KPNA5: variants seen among roughly 807,000 people sequenced by gnomAD.
The protein encoded by KPNA5 is karyopherin subunit alpha 5, also known as importin subunit alpha-6.
Under a neutral mutation model 71.3 loss-of-function variants are expected in KPNA5, and 46 were observed. The ratio of observed to expected loss-of-function variants is 0.65; its 90% confidence interval spans 0.51 to 0.83. KPNA5 has a LOEUF of 0.83. Ranked by LOEUF, KPNA5 falls within the 40% of genes least tolerant of loss-of-function variation. The pLI is 0.00. For synonymous variants in KPNA5, 207 were observed against 201.4 expected (o/e 1.03, Z -0.24); for missense variants, 547 against 628.3 (o/e 0.87, Z 1.38).
Position 116,689,470 on chromosome 6 carries a change from A to G in KPNA5, c.138+17A>G, listed in dbSNP as rs1309330788. 2.0e-6 allele frequency: 3 copies of G among 1,533,058 alleles called. No individual in the cohort carries two copies. The highest frequency in any genetic ancestry group is 2.3e-5 in the East Asian group (1 of 43,108). The allele number at this position is 1,533,058 out of a possible 1,614,324, so 95.0% of individuals were successfully genotyped here. The stretch of plus-strand genomic sequence containing the variant: ...GAAGAACAGGTAGGTGTTTTTAGCT[A>G]TTTAATTTTGTTTTTTAAAATTTTA... On this transcript the variant is annotated intron_variant, in intron 2 of 13. Coordinates refer to ENST00000368564, the MANE Select transcript of KPNA5 (RefSeq NM_001366306.2).
At chr6:116,712,666 T>C (rs1778744715) in intron 7 of KPNA5, among the ~76,000 whole-genome samples, 2 of 152,204 alleles carry the variant, frequency 1.3e-5, no homozygotes, top group African/African-American at 4.8e-5. Context: ...AGTCTCGTTA[T>C]GTTGCCTAGG....
intron 13 of KPNA5, 42 bp downstream of exon 13, chr6:116,729,783 A>AT: frequency 8.2e-7 from 1 of 1,218,328 alleles, no homozygotes; most frequent in Non-Finnish European, 1.1e-6. Flanking sequence ...GTCAGTTCTT[A>AT]TATCTGTCAT....
At chr6:116,682,970 A>G (rs983684062) in intron 1 of KPNA5, among the ~76,000 whole-genome samples, 1 of 152,212 alleles carries the variant, frequency 6.6e-6, no homozygotes, top group African/African-American at 2.4e-5. Context: ...AGTCAGTACT[A>G]TTGAAGAAAA....
At chr6:116,722,035 T>C (rs1779124970) in intron 8 of KPNA5, 91 bp from the exon 9 acceptor site, 1 of 944,926 alleles carries the variant, frequency 1.1e-6, no homozygotes, top group East Asian at 2.8e-5. Flanking sequence ...TAACATTAAA[T>C]TTTTGTTTTA....
chr6:116,711,178 G>A (rs1778662653), intron 7 of KPNA5, among the ~76,000 whole-genome samples: 2 of 151,094 alleles, frequency 1.3e-5, no homozygotes, highest in African/African-American at 4.8e-5. Flanking sequence ...ACAGGTGTGA[G>A]CCACCGCGCC....
At chr6:116,707,245 TTAA>T (rs1193462283) in intron 7 of KPNA5, among the ~76,000 whole-genome samples, 1 of 152,224 alleles carries the variant, frequency 6.6e-6, no homozygotes, top group African/African-American at 2.4e-5. Context: ...GTAAAACTTA[TTAA>T]TGTATCATTT....
chr6:116,723,771 A>C (rs1019776109), intron 9 of KPNA5, among the ~76,000 whole-genome samples: 3 of 152,184 alleles, frequency 2.0e-5, no homozygotes, highest in Non-Finnish European at 2.9e-5. Flanking sequence ...ATCTAGTGGT[A>C]AAGTAGGTTA....
intron 12 of KPNA5, among the ~76,000 whole-genome samples, chr6:116,727,847 A>G (rs1281684826): frequency 6.6e-6 from 1 of 152,068 alleles, no homozygotes; most frequent in Non-Finnish European, 1.5e-5. Context: ...ACCTCTACTA[A>G]AAGCTTCTAC....
At chr6:116,702,174 G>T in intron 6 of KPNA5, 24 bp downstream of exon 6, 1 of 1,598,604 alleles carries the variant, frequency 6.3e-7, no homozygotes, top group East Asian at 2.2e-5. Context: ...TTGTATTGTT[G>T]TATGTACTAG....
chr6:116,688,172 G>T lies in KPNA5; in HGVS notation c.5-1148G>T, dbSNP rs111582549. Among the ~76,000 whole-genome samples the T allele has an allele frequency of 1.9e-3, 283 of 152,078 alleles. 1 individual carries two copies. The highest frequency in any genetic ancestry group is 6.1e-3 in the African/African-American group (252 of 41,494). On this transcript the variant is annotated intron_variant, in intron 1 of 13. Coordinates refer to ENST00000368564, the MANE Select transcript of KPNA5 (RefSeq NM_001366306.2). ...CATGAAGCTTTCAGAAGTCCCTAAG[G>T]CACAATTAGTTGCCATATCTTCACT...
intron 3 of KPNA5, 48 bp from the exon 4 acceptor site, chr6:116,692,245 C>A: frequency 7.0e-7 from 1 of 1,422,902 alleles, no homozygotes; most frequent in South Asian, 1.2e-5. Context: ...CAAAATTATT[C>A]ATGTAAAATA....
chr6:116,721,588 A>G (rs1222355579), intron 8 of KPNA5, among the ~76,000 whole-genome samples: 3 of 152,228 alleles, frequency 2.0e-5, no homozygotes, highest in Admixed American at 6.5e-5. Flanking sequence ...TGCCTACTCT[A>G]TGTCAGGCAC....
In KPNA5 at chr6:116,733,254, T is replaced by C. The variant is rs1194386495; in HGVS notation, c.*931T>C. ...AGTAATTGAAAAGTTTCATTTTCTG[T>C]ATAATAGTACTAGTTTAAGTTTAAG... On this transcript the variant is annotated 3_prime_UTR_variant, in exon 14 of 14. Coordinates refer to ENST00000368564, the MANE Select transcript of KPNA5 (RefSeq NM_001366306.2). The C allele has an allele frequency of 1.3e-5, 2 of 149,536 alleles. No homozygotes were observed. The highest frequency in any genetic ancestry group is 6.7e-5 in the Admixed American group (1 of 14,880). 9.3% of individuals were successfully genotyped at this position (149,536 alleles called of 1,614,324 possible).
In KPNA5 at chr6:116,685,965, G is replaced by A. The variant is rs534456093; in HGVS notation, c.5-3355G>A. Among the ~76,000 whole-genome samples the A allele has an allele frequency of 8.2e-4, 125 of 152,218 alleles. 3 individuals carry two copies. The South Asian group carries it at 0.013, about 16-fold the overall frequency. On this transcript the variant is annotated intron_variant, in intron 1 of 13. Coordinates refer to ENST00000368564, the MANE Select transcript of KPNA5 (RefSeq NM_001366306.2). ...ACTGTTGCCCGGGCTGGAGTGCAGT[G>A]GTGTGGTCATGGCCAATGTAGCCTT...
chr6:116,692,219 C>G lies in KPNA5; in HGVS notation c.240+63C>G, dbSNP rs529480836. 1.2e-5 allele frequency: 17 copies of G among 1,433,316 alleles called. No homozygotes were observed. The South Asian group carries it at 1.9e-4, about 16-fold the overall frequency. 88.8% of individuals were successfully genotyped at this position (1,433,316 alleles called of 1,614,324 possible). On this transcript the variant is annotated intron_variant, in intron 3 of 13. Coordinates refer to ENST00000368564, the MANE Select transcript of KPNA5 (RefSeq NM_001366306.2). ...ATAATTTTAGCAATAGTATGTATAA[C>G]AAATATTTATGCATGCAAAATTATT... is the stretch of plus-strand genomic sequence containing the variant.
At chr6:116,698,672 T>C in intron 4 of KPNA5, 32 bp from the exon 5 acceptor site, 1 of 1,276,076 alleles carries the variant, frequency 7.8e-7, no homozygotes, top group South Asian at 1.3e-5. Context: ...TTTTGTGTCT[T>C]TGTAATAACT....
chr6:116,712,954 C>A (rs916790057), intron 7 of KPNA5, among the ~76,000 whole-genome samples: 1 of 152,048 alleles, frequency 6.6e-6, no homozygotes, highest in Non-Finnish European at 1.5e-5. Flanking sequence ...TATACAAAAA[C>A]ACTACTCCTA....
chr6:116,710,531 T>C (rs1313040562), intron 7 of KPNA5, among the ~76,000 whole-genome samples: 1 of 152,144 alleles, frequency 6.6e-6, no homozygotes, highest in East Asian at 1.9e-4. Flanking sequence ...GAGTTACAAA[T>C]AATCCAGTTA....
In KPNA5 at chr6:116,740,633, G is replaced by A. The variant is rs1779839408; in HGVS notation, c.*8310G>A. Reference sequence around the variant, plus strand: ...TGATAGACTGGATTAAGAAAATGTGGCACATATACACCATGGAATACTATG... The same window carrying A: ...TGATAGACTGGATTAAGAAAATGTGACACATATACACCATGGAATACTATG... On this transcript the variant is annotated 3_prime_UTR_variant, in exon 14 of 14. Coordinates refer to ENST00000368564, the MANE Select transcript of KPNA5 (RefSeq NM_001366306.2). The A allele has an allele frequency of 2.0e-5, 3 of 152,210 alleles. No homozygotes were observed. In the South Asian group the frequency reaches 6.2e-4, roughly 32 times the overall value. The allele number at this position is 152,210 out of a possible 1,614,324, so 9.4% of individuals were successfully genotyped here.
Sources: allele counts gnomAD v4.1 joint callset (sites outside exome capture counted in the v4.1 genomes callset), GRCh38; gene constraint gnomAD v4.1.1; transcripts MANE v1.5; gene names NCBI Gene and HGNC (gene_info 2026-07-23, HGNC 2026-07-21).